Variants in RGS3 observed in about 807,000 individuals in gnomAD.
RGS3 encodes regulator of G-protein signalling 3.
A neutral mutation model predicts 132.6 loss-of-function variants in RGS3; 80 were observed. The ratio of observed to expected loss-of-function variants is 0.60; its 90% CI spans 0.50 to 0.73. The LOEUF is 0.73. Ranked by LOEUF, RGS3 falls within the 30% of genes least tolerant of loss-of-function variation. The pLI is 0.00. For missense variants in RGS3, 1,382 were observed against 1,530.8 expected, an observed-to-expected ratio of 0.90 and a Z score of 1.62; for synonymous variants, 598 against 620.6, an observed-to-expected ratio of 0.96 and a Z score of 0.54.
chr9:113,574,176 G>A (rs1834409758), intron 19 of RGS3, among the ~76,000 whole-genome samples: 2 of 152,230 alleles, frequency 1.3e-5, no homozygotes, highest in African/African-American at 2.4e-5. Flanking sequence ...AACACCTCTA[G>A]CTTCACCTTC....
chr9:113,558,441 T>G (rs1298821172), intron 19 of RGS3, among the ~76,000 whole-genome samples: 3 of 151,990 alleles, frequency 2.0e-5, no homozygotes, highest in Admixed American at 2.0e-4. Flanking sequence ...AGGCGGAGGT[T>G]GCAATGAGCT....
At chr9:113,516,420 C>A (rs12338588) in intron 15 of RGS3, among the ~76,000 whole-genome samples, 2 of 151,120 alleles carry the variant, frequency 1.3e-5, no homozygotes, top group African/African-American at 2.4e-5. Flanking sequence ...TGCAAGGGTG[C>A]GATCTCGGCT....
At chr9:113,467,077 T>C (rs935561489) in intron 3 of RGS3, among the ~76,000 whole-genome samples, 2 of 152,208 alleles carry the variant, frequency 1.3e-5, no homozygotes, top group Admixed American at 1.3e-4. Flanking sequence ...CTGAGTAGTA[T>C]TCATTGTATG....
chr9:113,566,895 C>T (rs1324870782), intron 19 of RGS3, among the ~76,000 whole-genome samples: 2 of 152,260 alleles, frequency 1.3e-5, no homozygotes, highest in Non-Finnish European at 2.9e-5. Flanking sequence ...CACCAAGGCC[C>T]CTTGAGTCCT....
rs770890573 is a variant in RGS3, at chr9:113,584,241, C to T, written c.2829C>T (p.Ser943=). The T allele has an allele frequency of 4.6e-5, 74 of 1,611,386 alleles. No individual in the cohort carries two copies. The Admixed American group carries it at 5.7e-4, about 12-fold the overall frequency. The change falls in exon 20 of 25, where the codon AGC becomes AGT. Residue 943 remains serine (S), a synonymous_variant. Coordinates refer to ENST00000350696, the Ensembl canonical transcript of RGS3. The stretch of plus-strand genomic sequence containing the variant: ...ACTCGCTGCGGCGCCGGACGCACAG[C>T]GAGGGCAGCCTGCTGCAGGAGCCCC...
chr9:113,541,272 C>A (rs772419929), intron 19 of RGS3: 2 of 1,589,524 alleles, frequency 1.3e-6, no homozygotes, highest in Admixed American at 3.4e-5. Context: ...TCAGGCAGCC[C>A]GGCCTGAGTA....
chr9:113,501,489 T>C (rs1426856944), intron 10 of RGS3: 1 of 1,515,404 alleles, frequency 6.6e-7, no homozygotes, highest in Non-Finnish European at 8.8e-7. Context: ...AGGGTGCTCA[T>C]GCCAGGCTGA....
rs149938167 is a variant in RGS3, at chr9:113,545,402, T to C, written c.2037+8484T>C. 1.8e-4 allele frequency among the ~76,000 whole-genome samples: 28 copies of C among 152,338 alleles called. No individual in the cohort carries two copies. The East Asian group carries it at 4.4e-3, about 24-fold the overall frequency. On this transcript the variant is annotated intron_variant, in intron 19 of 24. Coordinates refer to ENST00000350696, the Ensembl canonical transcript of RGS3. The stretch of plus-strand genomic sequence containing the variant: ...CAGCCCTGAATAAAGGGGAATCAAA[T>C]GGATCTGATTTCAGCCATCTCCCCT...
intron 1 of RGS3, among the ~76,000 whole-genome samples, chr9:113,451,415 C>G (rs866374090): frequency 6.6e-6 from 1 of 152,196 alleles, no homozygotes; most frequent in African/African-American, 2.4e-5. Flanking sequence ...AAGGGCACTT[C>G]ACCATCACAG....
intron 9 of RGS3, 48 bp downstream of exon 7, chr9:113,497,452 C>A: frequency 6.8e-7 from 1 of 1,474,936 alleles, no homozygotes. Flanking sequence ...CTGCCCCCTC[C>A]CTCCTTTCCT....
chr9:113,452,149 C>T (rs1829260154), intron 1 of RGS3, among the ~76,000 whole-genome samples: 2 of 152,064 alleles, frequency 1.3e-5, no homozygotes, highest in African/African-American at 2.4e-5. Flanking sequence ...CAGGCATGCA[C>T]CACCATATCT....
At chr9:113,470,092 G>A (rs150831738) in intron 3 of RGS3, among the ~76,000 whole-genome samples, 6,002 of 152,170 alleles carry the variant, frequency 0.039, 165 homozygotes, top group South Asian at 0.1. Flanking sequence ...TGTATTTTTA[G>A]TAGAGATGGG....
chr9:113,489,940 G>T (rs1830456349), intron 7 of RGS3, among the ~76,000 whole-genome samples: 1 of 152,152 alleles, frequency 6.6e-6, no homozygotes, highest in South Asian at 2.1e-4. Context: ...ATCCTTCCAG[G>T]GATGGCTGTG....
At chr9:113,495,756 T>C in intron 7 of RGS3, 30 bp from the exon 6 acceptor site, 1 of 1,607,290 alleles carries the variant, frequency 6.2e-7, no homozygotes, top group Non-Finnish European at 8.5e-7. Context: ...AGAAAAAAAA[T>C]GCTGACTCAA....
rs757127500 is a variant in RGS3, at chr9:113,594,551, C to T, written c.3182+20C>T. 66 of 1,603,400 alleles carry T rather than the reference C, an allele frequency of 4.1e-5. No homozygotes were observed. Among genetic ancestry groups the T allele is most frequent in the Non-Finnish European group, 5.5e-5 (64 of 1,171,740 alleles). On this transcript the variant is annotated intron_variant, in intron 22 of 24. Transcript: ENST00000350696. ...ATTCAAGTAGGTCCTCCCTGGCACC[C>T]TGGGACCCTTTGGGGAACTCACTGG...
intron 17 of RGS3, among the ~76,000 whole-genome samples, chr9:113,524,399 A>G (rs1416220314): frequency 1.3e-5 from 2 of 152,216 alleles, no homozygotes; most frequent in African/African-American, 4.8e-5. Context: ...AGGGCTCAGT[A>G]ATATGCCCTG....
In RGS3 at chr9:113,469,529, A is replaced by C. The variant is rs1464698992; in HGVS notation, c.415+7328A>C. Among the ~76,000 whole-genome samples, 10 of 152,270 alleles carry C rather than the reference A, an allele frequency of 6.6e-5. 1 individual carries two copies. In the South Asian group the frequency reaches 1.5e-3, roughly 22 times the overall value. ...TGTGTTCTTCTTAAACATTTAAAAA[A>C]GTTTGAAATATTATACAGACAGACA... On this transcript the variant is annotated intron_variant, in intron 3 of 24. Transcript: ENST00000350696.
chr9:113,584,207 G>A lies in RGS3; in HGVS notation c.2795G>A (p.Arg932His), dbSNP rs140807508. 273 of 1,614,050 alleles carry A rather than the reference G, an allele frequency of 1.7e-4. 1 individual carries two copies. The African/African-American group carries it at 2.6e-3, about 15-fold the overall frequency. ...GGGGCTGAGGGTGGCCTCTCACTGC[G>A]TGTGCAGAACTCGCTGCGGCGCCGG... Residue 932 changes from arginine (R) to histidine (H), a missense_variant, in exon 20 of 25, where the codon CGT becomes CAT. Coordinates refer to ENST00000350696, the Ensembl canonical transcript of RGS3.
At position 113,594,173 on chromosome 9, in the gene RGS3, G is replaced by A. The variant is rs113204078; in HGVS notation, c.3081-257G>A. 2.0e-3 allele frequency: 3,219 copies of A among 1,613,072 alleles called. 40 individuals carry two copies. In the African/African-American group the frequency reaches 0.032, roughly 16 times the overall value. ...CAGAGAGCGTGTGTGGCTGCAGCCT[G>A]CACCGTTGCTGCCCGCTGCCCAGGA... is the stretch of plus-strand genomic sequence containing the variant. On this transcript the variant is annotated intron_variant, in intron 21 of 24. Coordinates refer to ENST00000350696, the Ensembl canonical transcript of RGS3.
Sources: allele counts gnomAD v4.1 joint callset (sites outside exome capture counted in the v4.1 genomes callset), GRCh38; gene constraint gnomAD v4.1.1; transcripts MANE v1.5; gene names NCBI Gene and HGNC (gene_info 2026-07-23, HGNC 2026-07-21).